Variants in GGT1 observed in about 807,000 individuals in gnomAD.
GGT1 encodes gamma-glutamyltransferase 1, also known as glutathione hydrolase 1 proenzyme.
In GGT1, 21 loss-of-function variants were observed where a neutral mutation model predicts 56.0. That is an observed-to-expected ratio of 0.38 (90% CI 0.27 to 0.54). The LOEUF (loss-of-function observed/expected upper bound fraction) is 0.54. Among genes scored for constraint, GGT1 ranks in the 20% least tolerant of loss-of-function variants. GGT1 has a pLI of 0.82. For synonymous variants in GGT1, 238 were observed against 342.6 expected (o/e 0.69, Z 3.37); for missense variants, 466 against 787.0 (o/e 0.59, Z 4.88).
the GGT1 span, among the ~76,000 whole-genome samples, chr22:24,587,921 G>T: frequency 6.6e-6 from 1 of 152,174 alleles, no homozygotes; most frequent in Admixed American, 6.5e-5. Context: ...GGGTGGAGGG[G>T]TGGGGTGTCC....
chr22:24,589,244 G>A, the GGT1 span: 1 of 1,269,132 alleles, frequency 7.9e-7, no homozygotes, highest in Non-Finnish European at 1.0e-6. Context: ...TGCAGGTGCT[G>A]TCAGCATGGG....
Position 24,621,038 on chromosome 22 carries a change from C to A in GGT1, c.701C>A (p.Thr234Lys), listed in dbSNP as rs777437427. 15 of 1,601,174 alleles carry A rather than the reference C, an allele frequency of 9.4e-6. No homozygotes were observed. The highest frequency in any genetic ancestry group is 1.1e-5 in the Non-Finnish European group (13 of 1,174,220). Reference sequence around the variant, plus strand: ...CAGGCCTTCTACAACGGCAGCCTCACGGCCCAGATTGTGAAGGACATCCAG... The same window carrying A: ...CAGGCCTTCTACAACGGCAGCCTCAAGGCCCAGATTGTGAAGGACATCCAG... ...GAQAFYNGSL[T>K]AQIVKDIQAA... Residue 234 changes from threonine (T) to lysine (K), a missense_variant, in exon 9 of 16, where the codon ACG (threonine) becomes AAG (lysine). Thr to Lys is a moderately conservative substitution (Grantham distance 78). Coordinates refer to ENST00000400382, the MANE Select transcript of GGT1 (RefSeq NM_001288833.2).
chr22:24,611,445 A>G (rs2046649516), intron 5 of GGT1, among the ~76,000 whole-genome samples, 200 bp downstream of exon 5: 1 of 151,828 alleles, frequency 6.6e-6, no homozygotes, highest in Non-Finnish European at 1.5e-5. Context: ...TCTCAGTTCT[A>G]AGAGTCTCTG....
At chr22:24,605,963 T>TAA (rs2046258741) in intron 1 of GGT1, among the ~76,000 whole-genome samples, 1 of 83,124 alleles carries the variant, frequency 1.2e-5, no homozygotes, top group African/African-American at 5.1e-5. Flanking sequence ...ATATAATATA[T>TAA]TACATATAAT....
intron 9 of GGT1, among the ~76,000 whole-genome samples, chr22:24,622,722 A>T (rs1569063038): frequency 6.6e-6 from 1 of 151,968 alleles, no homozygotes; most frequent in Non-Finnish European, 1.5e-5. Flanking sequence ...AGCCTGGGTG[A>T]CAGAGCAAGA....
In GGT1 at chr22:24,607,455, G is replaced by A. The variant is rs373208529; in HGVS notation, c.-428-499G>A. On this transcript the variant is annotated intron_variant, in intron 1 of 15. Transcript: ENST00000400382. ...GCTCGTGGGCAGACAGCGCCCTTTGGAGGGAACTGAGTCTGAAAGGAAGGA... is the reference window on the plus strand; with the variant it reads ...GCTCGTGGGCAGACAGCGCCCTTTGAAGGGAACTGAGTCTGAAAGGAAGGA... 1.8e-4 allele frequency among the ~76,000 whole-genome samples: 28 copies of A among 152,290 alleles called. No individual in the cohort carries two copies. In the East Asian group the frequency reaches 3.5e-3, roughly 19 times the overall value.
chr22:24,584,843 A>G, the GGT1 span, among the ~76,000 whole-genome samples: 8 of 151,654 alleles, frequency 5.3e-5, no homozygotes, highest in African/African-American at 1.9e-4. Flanking sequence ...GGTTGGGCTG[A>G]ACTGTAACTC....
chr22:24,612,809 G>A (rs1400160592), intron 5 of GGT1, among the ~76,000 whole-genome samples: 2 of 151,830 alleles, frequency 1.3e-5, no homozygotes, highest in African/African-American at 4.8e-5. Context: ...TTACAGGCAT[G>A]AGCCACCATG....
chr22:24,589,929 G>A (rs1405951282), upstream of GGT1: 2 of 1,606,932 alleles, frequency 1.2e-6, no homozygotes, highest in Non-Finnish European at 1.7e-6. Flanking sequence ...CAGGAAGGAG[G>A]GTCCTCTCAA....
chr22:24,585,914 G>T, the GGT1 span: 1 of 1,602,362 alleles, frequency 6.2e-7, no homozygotes, highest in East Asian at 2.2e-5. Context: ...CTGGGGCTCG[G>T]GTCCCAGCCC....
the GGT1 span, among the ~76,000 whole-genome samples, chr22:24,587,146 C>T: frequency 2.0e-5 from 3 of 152,238 alleles, no homozygotes; most frequent in South Asian, 4.2e-4. Flanking sequence ...CTTCTGATGT[C>T]GATTCTTTTA....
rs1372803224 is a variant in GGT1, at chr22:24,614,975, G to A, written c.296-66G>A. ...GGTTGGGCCGAGGCACAGCTGGGCGGTCCCCAGGCTCACGTGGCATAAAGG... is the reference window on the plus strand; with the variant it reads ...GGTTGGGCCGAGGCACAGCTGGGCGATCCCCAGGCTCACGTGGCATAAAGG... On this transcript the variant is annotated intron_variant, in intron 6 of 15. Coordinates refer to ENST00000400382, the MANE Select transcript of GGT1 (RefSeq NM_001288833.2). 14 of 1,561,634 alleles carry A rather than the reference G, an allele frequency of 9.0e-6. 1 individual carries two copies. Among genetic ancestry groups the A allele is most frequent in the African/African-American group, 1.4e-5 (1 of 72,688 alleles).
At chr22:24,588,158 C>CTG in the GGT1 span, 3 of 1,393,788 alleles carry the variant, frequency 2.2e-6, no homozygotes, top group Admixed American at 1.9e-5. Flanking sequence ...AGGTGTCAAC[C>CTG]TGAGAAGGGA....
upstream of GGT1, among the ~76,000 whole-genome samples, chr22:24,593,962 A>G (rs2045644362): frequency 6.6e-6 from 1 of 152,168 alleles, no homozygotes; most frequent in South Asian, 2.1e-4. Flanking sequence ...ACGAAGAGTC[A>G]GGTTAACCGT....
upstream of GGT1, among the ~76,000 whole-genome samples, chr22:24,600,344 T>G (rs370766911): frequency 1.3e-3 from 196 of 152,346 alleles, 2 homozygotes; most frequent in African/African-American, 4.5e-3. Context: ...AAGGCTGCTG[T>G]GATACCCACA....
the GGT1 span, chr22:24,583,957 G>A: frequency 2.0e-5 from 7 of 354,198 alleles, no homozygotes; most frequent in Admixed American, 2.2e-4. Context: ...TTATGTGACA[G>A]GTTTATCAGC....
the GGT1 span, among the ~76,000 whole-genome samples, chr22:24,587,206 G>A: frequency 6.6e-6 from 1 of 152,198 alleles, no homozygotes; most frequent in Non-Finnish European, 1.5e-5. Flanking sequence ...GCTGTACAGG[G>A]CACCGGGGAT....
upstream of GGT1, chr22:24,592,868 G>T: frequency 4.7e-6 from 6 of 1,282,896 alleles, no homozygotes; most frequent in Middle Eastern, 3.0e-4. Context: ...CTCGCCTGGC[G>T]CAGGAGGCGC....
rs1333046204 is a variant in GGT1, at chr22:24,620,477, C to T, written c.532C>T (p.Leu178=). The T allele has an allele frequency of 6.2e-7, 1 of 1,611,886 alleles. No individual in the cohort carries two copies. The highest frequency in any genetic ancestry group is 1.3e-5 in the African/African-American group (1 of 74,978). The change falls in exon 8 of 16, where the codon CTG becomes TTG. Residue 178 remains leucine, a synonymous_variant. Transcript: ENST00000400382. This position sits in a 1 kb window ranked among gnomAD's most constrained non-coding sequence, Gnocchi z 5.6. ...FPVGKGLAAA[L]ENKRTVIEQQ... ...CGTGGGCAAGGGCTTGGCGGCAGCC[C>T]TGGAAAACAAGCGGACCGTCATCGA...
Sources: gnomAD v4.1 joint callset for allele counts (sites outside exome capture counted in the v4.1 genomes callset) on GRCh38, gnomAD v4.1.1 for gene constraint, Gnocchi (gnomAD v3.1) non-coding constraint, MANE v1.5 for transcripts, NCBI Gene and HGNC (gene_info 2026-07-23, HGNC 2026-07-21) for gene names.